The following CTIF variants were observed in gnomAD, a reference collection of about 807,000 sequenced individuals.
CTIF encodes cap binding complex dependent translation initiation factor.
In CTIF, 21 loss-of-function variants were observed where a neutral mutation model predicts 66.0. The observed-to-expected ratio is 0.32, with a 90% CI of 0.23 to 0.46. The LOEUF is 0.46. Ranked by LOEUF, CTIF falls within the 20% of genes least tolerant of loss-of-function variation. CTIF has a pLI of 1.00. For missense variants in CTIF, 739 were observed against 812.7 expected, an observed-to-expected ratio of 0.91 and a Z score of 1.10; for synonymous variants, 345 against 326.4, an observed-to-expected ratio of 1.06 and a Z score of -0.62.
chr18:48,784,005 G>C (rs886106364), intron 9 of CTIF, among the ~76,000 whole-genome samples: 1 of 152,224 alleles, frequency 6.6e-6, no homozygotes, highest in Non-Finnish European at 1.5e-5. Context: ...AGTGGGGATG[G>C]CCTTTTCCAC....
intron 9 of CTIF, among the ~76,000 whole-genome samples, chr18:48,802,930 C>G (rs553166007): frequency 5.3e-5 from 8 of 152,358 alleles, no homozygotes; most frequent in Middle Eastern, 3.4e-3. Context: ...AGGAAAACTT[C>G]CAGCCTCTTC....
intron 1 of CTIF, among the ~76,000 whole-genome samples, chr18:48,560,406 T>A (rs1381691168): frequency 6.6e-6 from 1 of 151,930 alleles, no homozygotes; most frequent in Non-Finnish European, 1.5e-5. Context: ...TTTGTATTTT[T>A]AGTAGAGATG....
chr18:48,806,942 T>G (rs965053716), intron 9 of CTIF, among the ~76,000 whole-genome samples: 1 of 152,184 alleles, frequency 6.6e-6, no homozygotes, highest in Non-Finnish European at 1.5e-5. Context: ...TAGGGGTTGC[T>G]GGGAGGTAGC....
chr18:48,702,224 A>T (rs2092093603), intron 6 of CTIF, among the ~76,000 whole-genome samples: 1 of 152,174 alleles, frequency 6.6e-6, no homozygotes, highest in Non-Finnish European at 1.5e-5. Context: ...AGGAAAAGGG[A>T]GAGAGGGGTG....
At chr18:48,546,867 C>A (rs537205752) in intron 1 of CTIF, among the ~76,000 whole-genome samples, 1 of 152,274 alleles carries the variant, frequency 6.6e-6, no homozygotes, top group African/African-American at 2.4e-5. Flanking sequence ...GGAGAAAAAT[C>A]TTCCCTAGAA....
chr18:48,678,384 A>G (rs1407957621), intron 6 of CTIF, among the ~76,000 whole-genome samples: 1 of 152,054 alleles, frequency 6.6e-6, no homozygotes, highest in Non-Finnish European at 1.5e-5. Context: ...GGGTCTTACA[A>G]ACGAGAGCCC....
At chr18:48,642,551 TGGTG>T (rs2090955044) in intron 3 of CTIF, among the ~76,000 whole-genome samples, 1 of 152,154 alleles carries the variant, frequency 6.6e-6, no homozygotes, top group African/African-American at 2.4e-5. Context: ...GGGCTGAGAA[TGGTG>T]AATGCAGAGG....
intron 3 of CTIF, among the ~76,000 whole-genome samples, chr18:48,641,967 G>A (rs114117801): frequency 0.026 from 3,994 of 152,262 alleles, 73 homozygotes; most frequent in African/African-American, 0.055. Flanking sequence ...GGAGTTTTCT[G>A]CAAGTCAACT....
chr18:48,562,891 A>C (rs1352463358), intron 1 of CTIF, among the ~76,000 whole-genome samples: 1 of 152,238 alleles, frequency 6.6e-6, no homozygotes, highest in Non-Finnish European at 1.5e-5. Context: ...TCCCTGGGCC[A>C]GAGTGATTTG....
chr18:48,637,657 G>T (rs1244133211), intron 3 of CTIF, among the ~76,000 whole-genome samples: 1 of 152,208 alleles, frequency 6.6e-6, no homozygotes, highest in Non-Finnish European at 1.5e-5. Context: ...AAGCTGGTCA[G>T]TGGCCTTGGT....
chr18:48,727,939 G>A (rs1161979649), intron 7 of CTIF, among the ~76,000 whole-genome samples: 1 of 152,126 alleles, frequency 6.6e-6, no homozygotes, highest in Non-Finnish European at 1.5e-5. Flanking sequence ...TTCAAAACTA[G>A]CAAGTCCTGG....
chr18:48,611,447 G>C (rs548000133), intron 1 of CTIF, among the ~76,000 whole-genome samples: 30 of 152,380 alleles, frequency 2.0e-4, no homozygotes, highest in African/African-American at 6.5e-4. Flanking sequence ...TAGCTGACCA[G>C]CTGGCCAGAA....
rs796489769 is a variant in CTIF at position 48,730,445 on chromosome 18, G to T, written c.584+18750G>T. Among the ~76,000 whole-genome samples the T allele has an allele frequency of 4.4e-3, 456 of 104,374 alleles. 19 individuals are homozygous for T. The highest frequency in any genetic ancestry group is 0.015 in the South Asian group (38 of 2,588). The allele number at this position is 104,374 out of a possible 152,430, so 68.5% of individuals were successfully genotyped here. On this transcript the variant is annotated intron_variant, in intron 7 of 11. Coordinates refer to ENST00000256413, the MANE Select transcript of CTIF (RefSeq NM_014772.3). Reference sequence around the variant, plus strand: ...CCCCTGCGCTGTGAGGGGCCCCTGTGGTGTGAGGGGCTTCCGCGGTGTGAG... The same window carrying T: ...CCCCTGCGCTGTGAGGGGCCCCTGTTGTGTGAGGGGCTTCCGCGGTGTGAG...
At chr18:48,683,783 G>T (rs1384764631) in intron 6 of CTIF, among the ~76,000 whole-genome samples, 1 of 152,150 alleles carries the variant, frequency 6.6e-6, no homozygotes, top group Non-Finnish European at 1.5e-5. Context: ...GATCCCAGAG[G>T]TCTGCCAGCC....
intron 6 of CTIF, among the ~76,000 whole-genome samples, chr18:48,699,712 A>G (rs2092056978): frequency 6.6e-6 from 1 of 152,306 alleles, no homozygotes; most frequent in South Asian, 2.1e-4. Flanking sequence ...GGCTGTCGAC[A>G]TGCCATTCAT....
chr18:48,777,603 G>T (rs1910810220), intron 9 of CTIF, among the ~76,000 whole-genome samples: 1 of 152,220 alleles, frequency 6.6e-6, no homozygotes, highest in Admixed American at 6.5e-5. Flanking sequence ...ATGGGTCCTG[G>T]ATTCCCTGGG....
chr18:48,712,608 T>C (rs1291535063), intron 7 of CTIF, among the ~76,000 whole-genome samples: 2 of 152,238 alleles, frequency 1.3e-5, no homozygotes, highest in Non-Finnish European at 2.9e-5. Context: ...AGGGAATATA[T>C]TCTTAGATAA....
intron 6 of CTIF, among the ~76,000 whole-genome samples, chr18:48,705,517 C>T (rs2092141014): frequency 6.6e-6 from 1 of 152,264 alleles, no homozygotes; most frequent in Non-Finnish European, 1.5e-5. Flanking sequence ...TTCACAGGTG[C>T]ACGGGGTTAG....
In CTIF at chr18:48,859,910, G is replaced by A. The variant is rs760191469; in HGVS notation, c.*351G>A. 4.9e-5 allele frequency: 25 copies of A among 508,464 alleles called. No individual in the cohort carries two copies. The highest frequency in any genetic ancestry group is 1.1e-4 in the Admixed American group (5 of 43,912). 31.5% of individuals were successfully genotyped at this position (508,464 alleles called of 1,614,324 possible). On this transcript the variant is annotated 3_prime_UTR_variant, in exon 12 of 12. Coordinates refer to ENST00000256413, the MANE Select transcript of CTIF (RefSeq NM_014772.3). ...AGGGATCTCATCGCTGTGACTCCTC[G>A]GAGACCTTGGCAGCCTCGCACGCCG...
Sources: allele counts gnomAD v4.1 joint callset (sites outside exome capture counted in the v4.1 genomes callset), GRCh38; gene constraint gnomAD v4.1.1; transcripts MANE v1.5; gene names NCBI Gene and HGNC (gene_info 2026-07-23, HGNC 2026-07-21).